The following FAM20A variants were observed in gnomAD, a reference collection of about 807,000 sequenced individuals.
The protein encoded by FAM20A is FAM20A golgi associated secretory pathway pseudokinase.
Under a neutral mutation model 52.0 loss-of-function variants are expected in FAM20A, and 42 were observed. The ratio of observed to expected loss-of-function variants is 0.81; its 90% confidence interval spans 0.63 to 1.04. FAM20A has a LOEUF of 1.04. FAM20A is among the 50% of genes least tolerant of loss of function. FAM20A has a pLI of 0.00. For synonymous variants in FAM20A, 304 were observed against 298.9 expected, an observed-to-expected ratio of 1.02 and a Z score of -0.18; for missense variants, 742 against 712.7, an observed-to-expected ratio of 1.04 and a Z score of -0.47.
At chr17:68,548,191 C>A (rs149198386) in intron 4 of FAM20A, among the ~76,000 whole-genome samples, 286 of 152,298 alleles carry the variant, frequency 1.9e-3, no homozygotes, top group African/African-American at 6.6e-3. Context: ...GCCAGGAGAT[C>A]GAGACCAGCC....
chr17:68,582,733 A>G (rs1338331566), intron 1 of FAM20A, among the ~76,000 whole-genome samples: 4 of 151,096 alleles, frequency 2.6e-5, no homozygotes, highest in African/African-American at 9.7e-5. Flanking sequence ...GCTTGGAGGA[A>G]ATGAGCCTTG....
intron 8 of FAM20A, 95 bp from the exon 9 acceptor site, chr17:68,540,061 A>C: frequency 8.6e-6 from 9 of 1,051,036 alleles, no homozygotes; most frequent in Non-Finnish European, 1.3e-5. Context: ...GCCTGTCATC[A>C]CTTGAGAGAC....
At chr17:68,551,793 G>T (rs1014157573) in intron 4 of FAM20A, 80 bp downstream of exon 4, 93 of 975,678 alleles carry the variant, frequency 9.5e-5, no homozygotes, top group Non-Finnish European at 1.5e-4. Flanking sequence ...AAGACTTTAG[G>T]TCACTTTTAT....
intron 1 of FAM20A, among the ~76,000 whole-genome samples, chr17:68,585,871 GA>G (rs2088153323): frequency 6.6e-6 from 1 of 152,216 alleles, no homozygotes; most frequent in South Asian, 2.1e-4. Context: ...GGATGTGATG[GA>G]AAATGCTAGT....
Position 68,601,096 on chromosome 17 carries a change from C to G in FAM20A, c.-430G>C, listed in dbSNP as rs1189604983. 6.6e-6 allele frequency: 1 copy of G among 151,746 alleles called. No homozygotes were observed. The highest frequency in any genetic ancestry group is 6.6e-5 in the Admixed American group (1 of 15,238). 9.4% of individuals were successfully genotyped at this position (151,746 alleles called of 1,614,324 possible). Reference sequence around the variant, plus strand: ...GACGGAGGCCGCCGGCTGCAAAGCCCGGGGCGTCTCTCCTGAGGATGCTGT... The same window carrying G: ...GACGGAGGCCGCCGGCTGCAAAGCCGGGGGCGTCTCTCCTGAGGATGCTGT... On this transcript the variant is annotated 5_prime_UTR_variant, in exon 1 of 11. Coordinates refer to ENST00000592554, the MANE Select transcript of FAM20A (RefSeq NM_017565.4).
chr17:68,546,092 C>A (rs936763840), intron 4 of FAM20A, among the ~76,000 whole-genome samples: 14 of 147,032 alleles, frequency 9.5e-5, no homozygotes, highest in African/African-American at 3.6e-4. Flanking sequence ...TTGTTTGAAC[C>A]CAGGAGGCAG....
intron 4 of FAM20A, among the ~76,000 whole-genome samples, chr17:68,544,725 G>A (rs531225052): frequency 9.2e-5 from 14 of 152,162 alleles, no homozygotes; most frequent in Non-Finnish European, 1.8e-4. Flanking sequence ...AACCCTCCGT[G>A]CTCAGGCCTG....
chr17:68,567,588 C>T (rs2087413148), intron 1 of FAM20A, among the ~76,000 whole-genome samples: 1 of 151,918 alleles, frequency 6.6e-6, no homozygotes, highest in South Asian at 2.1e-4. Context: ...GAGGAAGAAG[C>T]CAGACAAAGA....
chr17:68,600,251 C>G lies in FAM20A; in HGVS notation c.404+12G>C, dbSNP rs111391055. The G allele has an allele frequency of 1.3e-6, 2 of 1,555,686 alleles. No individual in the cohort carries two copies. The highest frequency in any genetic ancestry group is 2.7e-5 in the African/African-American group (2 of 73,080). On this transcript the variant is annotated intron_variant, in intron 1 of 10. Transcript: ENST00000592554. This position sits in a 1 kb window ranked among gnomAD's most constrained non-coding sequence, Gnocchi z 6.2. ...AGCGCCCGCTCTCCCGCGTCCCGGG[C>G]GGGGTCCTCACCTGTTCCAGCGGGC...
intron 1 of FAM20A, among the ~76,000 whole-genome samples, chr17:68,556,941 G>T (rs2087069843): frequency 6.6e-6 from 1 of 152,084 alleles, no homozygotes; most frequent in Non-Finnish European, 1.5e-5. Flanking sequence ...TTGGTGGAGA[G>T]TTTTAAAAAT....
At chr17:68,587,979 T>C (rs1187595034) in intron 1 of FAM20A, among the ~76,000 whole-genome samples, 2 of 152,234 alleles carry the variant, frequency 1.3e-5, no homozygotes, top group Non-Finnish European at 2.9e-5. Context: ...GAAGTGCTTA[T>C]GAGTTTACAA....
chr17:68,562,041 C>T (rs1418272344), intron 1 of FAM20A, among the ~76,000 whole-genome samples: 1 of 152,176 alleles, frequency 6.6e-6, no homozygotes, highest in Non-Finnish European at 1.5e-5. Flanking sequence ...CCAGGATGGT[C>T]TTGAACTCCT....
At chr17:68,578,808 A>G (rs1407450334) in intron 1 of FAM20A, among the ~76,000 whole-genome samples, 1 of 141,108 alleles carries the variant, frequency 7.1e-6, no homozygotes, top group Non-Finnish European at 1.5e-5. Context: ...CCTGGTGAAC[A>G]TGGTGAAACC....
chr17:68,551,348 TC>T (rs2086824865), intron 4 of FAM20A: 1 of 385,420 alleles, frequency 2.6e-6, no homozygotes, highest in African/African-American at 2.1e-5. Flanking sequence ...TTCTTGATTG[TC>T]TAGTTTTTCA....
At chr17:68,599,340 CA>C (rs1188465175) in intron 1 of FAM20A, among the ~76,000 whole-genome samples, 1 of 152,172 alleles carries the variant, frequency 6.6e-6, no homozygotes, top group Non-Finnish European at 1.5e-5. Context: ...TTCTGTACTT[CA>C]AAACAGAGTC....
At chr17:68,550,581 A>G (rs1310640106) in intron 4 of FAM20A, among the ~76,000 whole-genome samples, 2 of 152,038 alleles carry the variant, frequency 1.3e-5, no homozygotes, top group African/African-American at 2.4e-5. Flanking sequence ...GGGTTTCACC[A>G]TGATGGCCAG....
chr17:68,537,470 C>G lies in FAM20A; in HGVS notation c.*7G>C. 1.2e-6 allele frequency: 2 copies of G among 1,614,038 alleles called. No individual in the cohort carries two copies. The highest frequency in any genetic ancestry group is 1.7e-6 in the Non-Finnish European group (2 of 1,180,008). On this transcript the variant is annotated 3_prime_UTR_variant, in exon 11 of 11. Transcript: ENST00000592554. The surrounding 1 kb of genome is among the most constrained non-coding windows in gnomAD (Gnocchi z 4.2). ...GCGTATTTTCTGAAACTGGACTCTG[C>G]CAGCCCTTAGCTTGTCAAGTTAGCC...
chr17:68,576,594 CTCAG>C (rs1362454927), intron 1 of FAM20A, among the ~76,000 whole-genome samples: 5 of 152,208 alleles, frequency 3.3e-5, no homozygotes, highest in Admixed American at 6.5e-5. Context: ...TGTGAGGGTG[CTCAG>C]TCTGGGCAGG....
chr17:68,540,480 T>A (rs1044663095), intron 8 of FAM20A: 1 of 470,376 alleles, frequency 2.1e-6, no homozygotes, highest in Non-Finnish European at 4.2e-6. Context: ...ATTACTAGTC[T>A]TGTGTGTCCG....
Sources: allele counts gnomAD v4.1 joint callset (sites outside exome capture counted in the v4.1 genomes callset), GRCh38; gene constraint gnomAD v4.1.1; non-coding constraint Gnocchi (gnomAD v3.1); transcripts MANE v1.5; gene names NCBI Gene and HGNC (gene_info 2026-07-23, HGNC 2026-07-21).